The following COX7B2 variants were observed in gnomAD, a reference collection of about 807,000 sequenced individuals.
The protein encoded by COX7B2 is cytochrome c oxidase subunit 7B2, also known as cytochrome c oxidase subunit 7B2, mitochondrial.
For synonymous variants in COX7B2, 37 were observed against 32.1 expected (o/e 1.15, Z -0.51); for missense variants, 109 against 95.9 (o/e 1.14, Z -0.57).
At chr4:46,878,824 T>A (rs1718517881) in intron 1 of COX7B2, among the ~76,000 whole-genome samples, 1 of 152,170 alleles carries the variant, frequency 6.6e-6, no homozygotes, top group South Asian at 2.1e-4. Flanking sequence ...AGGGCATGAC[T>A]CAGAGGCTTC....
At chr4:46,907,511 G>T (rs1010781072) in intron 1 of COX7B2, among the ~76,000 whole-genome samples, 1 of 151,962 alleles carries the variant, frequency 6.6e-6, no homozygotes, top group Non-Finnish European at 1.5e-5. Flanking sequence ...TGTATTGAAT[G>T]GTTTCTCATC....
intron 2 of COX7B2, among the ~76,000 whole-genome samples, chr4:46,748,374 C>A (rs1715148954): frequency 6.6e-6 from 1 of 151,852 alleles, no homozygotes; most frequent in Non-Finnish European, 1.5e-5. Flanking sequence ...AGTCTCAAAA[C>A]AAAAAAATAC....
chr4:46,831,160 C>A (rs1286736607), intron 2 of COX7B2, among the ~76,000 whole-genome samples: 3 of 151,978 alleles, frequency 2.0e-5, no homozygotes, highest in Non-Finnish European at 4.4e-5. Flanking sequence ...CAGCCCCGGG[C>A]AGTGAAAGGC....
chr4:46,899,634 T>G (rs1719972168), intron 1 of COX7B2, among the ~76,000 whole-genome samples: 12 of 152,140 alleles, frequency 7.9e-5, no homozygotes, highest in Admixed American at 7.9e-4. Context: ...AAAGTACAGA[T>G]TCTTCTCTGT....
intron 2 of COX7B2, among the ~76,000 whole-genome samples, chr4:46,825,711 A>T (rs1714642675): frequency 1.3e-5 from 2 of 152,104 alleles, no homozygotes; most frequent in African/African-American, 4.8e-5. Context: ...CAGAATAGAG[A>T]GCCCAGAAAT....
chr4:46,802,867 G>C (rs1718731263), intron 2 of COX7B2, among the ~76,000 whole-genome samples: 1 of 151,982 alleles, frequency 6.6e-6, no homozygotes, highest in South Asian at 2.1e-4. Flanking sequence ...AAAACATAGT[G>C]CTATAAAACT....
chr4:46,873,335 A>G (rs1178486145), intron 1 of COX7B2, among the ~76,000 whole-genome samples: 1 of 152,196 alleles, frequency 6.6e-6, no homozygotes, highest in Non-Finnish European at 1.5e-5. Flanking sequence ...GTGGGTATAT[A>G]CCCAGTAATG....
At chr4:46,861,180 C>CT (rs760045925) in intron 1 of COX7B2, among the ~76,000 whole-genome samples, 34 of 152,252 alleles carry the variant, frequency 2.2e-4, no homozygotes, top group Non-Finnish European at 4.1e-4. Flanking sequence ...TTTACCTTTC[C>CT]TTTTATACTT....
At chr4:46,837,299 A>G (rs1715581796) in intron 2 of COX7B2, among the ~76,000 whole-genome samples, 2 of 151,818 alleles carry the variant, frequency 1.3e-5, no homozygotes, top group Non-Finnish European at 2.9e-5. Flanking sequence ...ACACACACAC[A>G]CACACACACA....
intron 2 of COX7B2, among the ~76,000 whole-genome samples, chr4:46,839,611 G>A (rs1391366606): frequency 7.9e-5 from 12 of 151,946 alleles, no homozygotes; most frequent in Admixed American, 7.9e-4. Flanking sequence ...CCTGATTATC[G>A]AAATTTTTCA....
At chr4:46,878,854 T>C (rs1718519529) in intron 1 of COX7B2, among the ~76,000 whole-genome samples, 1 of 152,164 alleles carries the variant, frequency 6.6e-6, no homozygotes, top group South Asian at 2.1e-4. Flanking sequence ...TAGTTCTACT[T>C]ACATTTCATT....
intron 2 of COX7B2, among the ~76,000 whole-genome samples, chr4:46,755,915 CTTATCAAATGACCAGTATCAG>C (rs1715768116): frequency 6.6e-6 from 1 of 151,960 alleles, no homozygotes; most frequent in African/African-American, 2.4e-5. Flanking sequence ...CAATGCAATC[CTTATCAAATGACCAGTATCAG>C]TTTTCACAAA....
chr4:46,784,164 G>A (rs1717627028), intron 2 of COX7B2, among the ~76,000 whole-genome samples: 1 of 151,916 alleles, frequency 6.6e-6, no homozygotes. Flanking sequence ...AATAAGAGAG[G>A]GGCAAAATTA....
chr4:46,842,494 G>A (rs529695443), intron 2 of COX7B2, among the ~76,000 whole-genome samples: 1 of 151,988 alleles, frequency 6.6e-6, no homozygotes, highest in South Asian at 2.1e-4. Flanking sequence ...CTGATGTGCT[G>A]CACCCATTAA....
At chr4:46,865,861 C>T (rs539458585) in intron 1 of COX7B2, among the ~76,000 whole-genome samples, 1 of 152,262 alleles carries the variant, frequency 6.6e-6, no homozygotes, top group Non-Finnish European at 1.5e-5. Context: ...TGTCTCTGGA[C>T]CTCGTAATTA....
At chr4:46,788,360 A>C (rs1717860561) in intron 2 of COX7B2, among the ~76,000 whole-genome samples, 2 of 152,154 alleles carry the variant, frequency 1.3e-5, no homozygotes, top group Admixed American at 6.5e-5. Flanking sequence ...AAGATTATCC[A>C]AGGAAAAGTT....
At chr4:46,806,950 G>A (rs928627947) in intron 2 of COX7B2, among the ~76,000 whole-genome samples, 3 of 151,884 alleles carry the variant, frequency 2.0e-5, no homozygotes, top group African/African-American at 4.8e-5. Flanking sequence ...TCCATATCTT[G>A]GCTGCTGTAA....
At chr4:46,856,042 G>C (rs1402402502) in intron 1 of COX7B2, among the ~76,000 whole-genome samples, 1 of 151,978 alleles carries the variant, frequency 6.6e-6, no homozygotes, top group Non-Finnish European at 1.5e-5. Flanking sequence ...TCAGGAGTTC[G>C]AGATCAGCTT....
rs1228184530 is a variant in COX7B2 at position 46,754,726 on chromosome 4, G to GTATATATATATATATATA, written c.-49-19486_-49-19485insTATATATATATATATATA. ...TGTGTGTGTGTGTGTGTGTGTGTGT[G>GTATATATATATATATATA]TGTATATATATATATATATATATGA... On this transcript the variant is annotated intron_variant, in intron 2 of 2. Transcript: ENST00000355591. 4.1e-3 allele frequency among the ~76,000 whole-genome samples: 191 copies of GTATATATATATATATATA among 46,074 alleles called. 1 individual carries two copies. Among genetic ancestry groups the GTATATATATATATATATA allele is most frequent in the Non-Finnish European group, 5.6e-3 (155 of 27,822 alleles). 30.2% of individuals were successfully genotyped at this position (46,074 alleles called of 152,430 possible).
Sources: allele counts gnomAD v4.1 joint callset (sites outside exome capture counted in the v4.1 genomes callset), GRCh38; gene constraint gnomAD v4.1.1; transcripts MANE v1.5; gene names NCBI Gene and HGNC (gene_info 2026-07-23, HGNC 2026-07-21).